Variants in CEP44 observed in about 807,000 individuals in gnomAD.
CEP44 encodes the protein centrosomal protein of 44 kDa.
A neutral mutation model predicts 46.7 loss-of-function variants in CEP44; 45 were observed. That is an observed-to-expected ratio of 0.96 (90% CI 0.76 to 1.24). The LOEUF is 1.24. Ranked by LOEUF, CEP44 falls within the 50% of genes most tolerant of loss-of-function variation. CEP44 has a pLI of 0.00. For synonymous variants in CEP44, 142 were observed against 146.0 expected, an observed-to-expected ratio of 0.97 and a Z score of 0.20; for missense variants, 475 against 459.7, an observed-to-expected ratio of 1.03 and a Z score of -0.30.
Position 174,317,365 on chromosome 4 carries a change from T to C in CEP44, c.1155T>C (p.Cys385=). ...MFEETAELLK[C]PNHYL is the part of the protein sequence containing the mutation. ...AAGAAACTGCAGAGTTACTGAAATG[T>C]CCAAATCACTACTTGTAGGATTTTC... Residue 385 remains cysteine, a synonymous_variant, in exon 12 of 12, where the codon TGT becomes TGC. Transcript: ENST00000503780. 1 of 1,420,842 alleles carries C rather than the reference T, an allele frequency of 7.0e-7. No individual in the cohort carries two copies. The highest frequency in any genetic ancestry group is 9.4e-7 in the Non-Finnish European group (1 of 1,065,702). 88.0% of individuals were successfully genotyped at this position (1,420,842 alleles called of 1,614,324 possible). A position where few individuals can be genotyped will look rare whatever the true frequency, so the allele number is the denominator to read the frequency against.
At chr4:174,320,632 AAAGG>A (rs1701888214), downstream of CEP44, among the ~76,000 whole-genome samples, 1 of 107,210 alleles carries the variant, frequency 9.3e-6, no homozygotes, top group South Asian at 2.9e-4. Flanking sequence ...CAAAGGCTTG[AAAGG>A]AAGAGCATTT....
intron 9 of CEP44, among the ~76,000 whole-genome samples, chr4:174,315,249 C>T (rs4287982): frequency 0.29 from 42,767 of 146,226 alleles, 6,847 homozygotes; most frequent in Non-Finnish European, 0.37. Flanking sequence ...TTTTTTTTTG[C>T]ATTGCTTTTG....
At chr4:174,305,828 C>T (rs1740328497) in intron 6 of CEP44, among the ~76,000 whole-genome samples, 1 of 152,132 alleles carries the variant, frequency 6.6e-6, no homozygotes, top group Non-Finnish European at 1.5e-5. Context: ...ATATAATGTG[C>T]TTTTCAATGT....
At chr4:174,298,998 T>C in intron 2 of CEP44, 74 bp from the exon 3 acceptor site, 1 of 782,606 alleles carries the variant, frequency 1.3e-6, no homozygotes, top group Non-Finnish European at 2.0e-6. Context: ...CAATAGGAGA[T>C]ATGACCAAAA....
Position 174,314,660 on chromosome 4 carries a change from G to C in CEP44, c.962-1506G>C, listed in dbSNP as rs1442580549. Among the ~76,000 whole-genome samples, 1 of 152,136 alleles carries C rather than the reference G, an allele frequency of 6.6e-6. No individual in the cohort carries two copies. Among genetic ancestry groups the C allele is most frequent in the African/African-American group, 2.4e-5 (1 of 41,420 alleles). On this transcript the variant is annotated intron_variant, in intron 9 of 11. Coordinates refer to ENST00000503780, the MANE Select transcript of CEP44 (RefSeq NM_001040157.3). The surrounding 1 kb of genome is among the most constrained non-coding windows in gnomAD (Gnocchi z 4.1). The stretch of plus-strand genomic sequence containing the variant: ...TAGGGCCCCCTCCTCTTTTTGGAAA[G>C]ATGTCCGAAATGTTCAGGACAACTA...
rs1739706996 is a variant in CEP44 at position 174,301,515 on chromosome 4, A to G, written c.90-524A>G. ...ACTGGTGGAATTAACATAGGTAATA[A>G]TATACGATTTAGAAGGAGCAGTAAG... On this transcript the variant is annotated intron_variant, in intron 3 of 11. Coordinates refer to ENST00000503780, the MANE Select transcript of CEP44 (RefSeq NM_001040157.3). This position sits in a 1 kb window ranked among gnomAD's most constrained non-coding sequence, Gnocchi z 4.3. Among the ~76,000 whole-genome samples the G allele has an allele frequency of 6.6e-6, 1 of 152,182 alleles. No individual in the cohort carries two copies. The highest frequency in any genetic ancestry group is 1.5e-5 in the Non-Finnish European group (1 of 68,010).
At chr4:174,303,680 A>G (rs1740019499) in intron 4 of CEP44, 23 bp from the exon 5 acceptor site, 2 of 1,458,172 alleles carry the variant, frequency 1.4e-6, no homozygotes, top group South Asian at 1.4e-5. Context: ...CCCAATTATT[A>G]CAAGAGTCTG....
At position 174,301,839 on chromosome 4, in the gene CEP44, G is replaced by GT. The variant is rs1283562162; in HGVS notation, c.90-199dup. 1.3e-5 allele frequency among the ~76,000 whole-genome samples: 2 copies of GT among 152,104 alleles called. No homozygotes were observed. The highest frequency in any genetic ancestry group is 1.3e-4 in the Admixed American group (2 of 15,264). On this transcript the variant is annotated intron_variant, in intron 3 of 11. Transcript: ENST00000503780. This position sits in a 1 kb window ranked among gnomAD's most constrained non-coding sequence, Gnocchi z 4.3. ...AAGTTTTTTGAGCAGACGAACAGTG[G>GT]TATTTCATAGTAGTCTGGCTAGACT...
rs1160511320 is a variant in CEP44, at chr4:174,311,650, C to T, written c.961+792C>T. On this transcript the variant is annotated intron_variant, in intron 9 of 11. Coordinates refer to ENST00000503780, the MANE Select transcript of CEP44 (RefSeq NM_001040157.3). The surrounding 1 kb of genome is among the most constrained non-coding windows in gnomAD (Gnocchi z 4.4). ...GGCACGATTCTAACTACTATATTAA[C>T]TCATTTAATTCTTGAAGTAACCATT... Among the ~76,000 whole-genome samples the T allele has an allele frequency of 6.6e-6, 1 of 152,018 alleles. No homozygotes were observed. The highest frequency in any genetic ancestry group is 2.4e-5 in the African/African-American group (1 of 41,438).
chr4:174,316,824 A>G (rs1378724933), intron 11 of CEP44: 4 of 301,884 alleles, frequency 1.3e-5, no homozygotes, highest in Non-Finnish European at 1.2e-5. Context: ...AGAGAATACA[A>G]AGATATTTTT....
At chr4:174,285,810 A>G (rs1202142551) in intron 1 of CEP44, among the ~76,000 whole-genome samples, 1 of 152,212 alleles carries the variant, frequency 6.6e-6, no homozygotes, top group Non-Finnish European at 1.5e-5. Flanking sequence ...TTTTGCGGTT[A>G]AAGCCAGAGT....
At chr4:174,308,984 T>C (rs1560907749) in intron 7 of CEP44, 125 bp downstream of exon 7, 3 of 841,674 alleles carry the variant, frequency 3.6e-6, no homozygotes, top group Non-Finnish European at 5.6e-6. Flanking sequence ...ATTTTATCTA[T>C]GTTACAATTA....
At chr4:174,321,490 C>T (rs969601352), downstream of CEP44, among the ~76,000 whole-genome samples, 1 of 152,002 alleles carries the variant, frequency 6.6e-6, no homozygotes, top group East Asian at 1.9e-4. Context: ...TTGTTTGGTC[C>T]TCATCAATAA....
intron 6 of CEP44, among the ~76,000 whole-genome samples, chr4:174,306,261 A>G (rs1402098722): frequency 1.3e-5 from 2 of 152,142 alleles, no homozygotes; most frequent in African/African-American, 2.4e-5. Flanking sequence ...TTAGGTTTGA[A>G]TTGTTAGCTG....
At chr4:174,307,103 AG>A (rs1740498261) in intron 6 of CEP44, among the ~76,000 whole-genome samples, 1 of 152,200 alleles carries the variant, frequency 6.6e-6, no homozygotes, top group African/African-American at 2.4e-5. Context: ...AGAGAACTAA[AG>A]AAAACTACTT....
downstream of CEP44, among the ~76,000 whole-genome samples, chr4:174,323,401 T>C (rs762157303): frequency 9.2e-5 from 14 of 152,128 alleles, no homozygotes; most frequent in Admixed American, 7.9e-4. Flanking sequence ...GCCACCACCA[T>C]ATTTAAGATA....
chr4:174,289,643 A>G (rs1293138661), intron 1 of CEP44, among the ~76,000 whole-genome samples: 1 of 151,896 alleles, frequency 6.6e-6, no homozygotes, highest in Admixed American at 6.6e-5. Context: ...AGTCTAGCCA[A>G]GGATTTGTTG....
chr4:174,325,326 T>G (rs1344026000), downstream of CEP44, among the ~76,000 whole-genome samples: 2 of 152,132 alleles, frequency 1.3e-5, no homozygotes. The surrounding 1 kb of genome is among the most constrained non-coding windows in gnomAD (Gnocchi z 4.4). Context: ...TTTTAAATTT[T>G]TATAACATCC....
chr4:174,294,728 A>C (rs71644851), intron 1 of CEP44, among the ~76,000 whole-genome samples: 91,035 of 128,300 alleles, frequency 0.71, 30,581 homozygotes, highest in East Asian at 0.76. Flanking sequence ...GGGGCTGACC[A>C]CCCCCCACCT....
Sources: allele counts gnomAD v4.1 joint callset (sites outside exome capture counted in the v4.1 genomes callset), GRCh38; gene constraint gnomAD v4.1.1; non-coding constraint Gnocchi (gnomAD v3.1); transcripts MANE v1.5; gene names NCBI Gene and HGNC (gene_info 2026-07-23, HGNC 2026-07-21).